KLHL29: variants seen among roughly 807,000 people sequenced by gnomAD.
KLHL29 encodes kelch like family member 29.
Under a neutral mutation model 80.4 loss-of-function variants are expected in KLHL29, and 21 were observed. That is an observed-to-expected ratio of 0.26 (90% confidence interval 0.19 to 0.38). KLHL29 has a LOEUF of 0.38. KLHL29 is among the 10% of genes least tolerant of loss of function. The pLI, the probability that KLHL29 is intolerant of heterozygous loss-of-function variation, is 1.00. For missense variants in KLHL29, 867 were observed against 1,223.9 expected (o/e 0.71, Z 4.35); for synonymous variants, 511 against 526.8 (o/e 0.97, Z 0.41).
intron 1 of KLHL29, among the ~76,000 whole-genome samples, chr2:23,387,314 A>G (rs938471137): frequency 1.3e-5 from 2 of 152,158 alleles, no homozygotes; most frequent in East Asian, 1.9e-4. Flanking sequence ...TCCTCTTGCA[A>G]TGACAGATCT....
At chr2:23,578,652 G>A (rs767093095) in intron 3 of KLHL29, among the ~76,000 whole-genome samples, 6 of 152,128 alleles carry the variant, frequency 3.9e-5, no homozygotes, top group Admixed American at 6.5e-5. Context: ...GGCACCTCCC[G>A]CTTGCCTGTT....
intron 2 of KLHL29, among the ~76,000 whole-genome samples, chr2:23,489,207 AG>A (rs1389576760): frequency 6.6e-6 from 1 of 152,132 alleles, no homozygotes; most frequent in Non-Finnish European, 1.5e-5. Flanking sequence ...TCCACTTGGA[AG>A]GTGCCCTCCT....
intron 5 of KLHL29, among the ~76,000 whole-genome samples, chr2:23,645,765 A>G (rs953245454): frequency 6.6e-6 from 1 of 151,746 alleles, no homozygotes; most frequent in Non-Finnish European, 1.5e-5. Context: ...CTGAGCTCAA[A>G]TTTCAGTTGG....
chr2:23,425,719 T>C (rs555618514), intron 1 of KLHL29, among the ~76,000 whole-genome samples: 1 of 152,304 alleles, frequency 6.6e-6, no homozygotes, highest in East Asian at 1.9e-4. Context: ...TAGATTAGAC[T>C]GGGTGTACTG....
At chr2:23,479,151 G>A (rs1664718617) in intron 2 of KLHL29, among the ~76,000 whole-genome samples, 1 of 151,422 alleles carries the variant, frequency 6.6e-6, no homozygotes, top group Admixed American at 6.6e-5. Flanking sequence ...GACTGTACCT[G>A]CTTTCCCTGG....
At chr2:23,428,349 G>A (rs1663062670) in intron 1 of KLHL29, among the ~76,000 whole-genome samples, 1 of 152,218 alleles carries the variant, frequency 6.6e-6, no homozygotes. Flanking sequence ...ATGTTGCGAG[G>A]TAGGTGTTTA....
At chr2:23,441,331 G>T (rs1028525610) in intron 1 of KLHL29, among the ~76,000 whole-genome samples, 392 of 59,638 alleles carry the variant, frequency 6.6e-3, no homozygotes, top group South Asian at 9.8e-3. Context: ...GACTGTGGCG[G>T]GGTGGGGGGA....
rs143991377 is a variant in KLHL29, at chr2:23,578,692, CA to C, written c.285+16213del. Among the ~76,000 whole-genome samples the C allele has an allele frequency of 3.8e-3, 582 of 152,310 alleles. 11 individuals are homozygous for C. Among genetic ancestry groups the C allele is most frequent in the East Asian group, 0.02 (102 of 5,184 alleles). On this transcript the variant is annotated intron_variant, in intron 3 of 13. Transcript: ENST00000486442. ...GCTCAGTAAATATGTGTTGAATTAT[CA>C]AGTTGAATTGTGGGTAGAAGGTGTA...
chr2:23,491,001 A>G (rs1182379167), intron 2 of KLHL29, among the ~76,000 whole-genome samples: 4 of 152,120 alleles, frequency 2.6e-5, no homozygotes, highest in African/African-American at 9.7e-5. Flanking sequence ...TGTGCAGAAC[A>G]TGCAGGTTTG....
chr2:23,507,227 C>CAACA (rs1665625515), intron 2 of KLHL29: 1 of 278,332 alleles, frequency 3.6e-6, no homozygotes, highest in East Asian at 1.2e-4. Flanking sequence ...CATCAACATC[C>CAACA]AGATCCTGTA....
intron 2 of KLHL29, among the ~76,000 whole-genome samples, chr2:23,497,170 C>T (rs947085298): frequency 2.6e-5 from 4 of 152,060 alleles, no homozygotes; most frequent in South Asian, 2.1e-4. Flanking sequence ...TGCCTTCAGT[C>T]GGTGGGTATT....
chr2:23,421,720 T>G (rs1043653317), intron 1 of KLHL29, among the ~76,000 whole-genome samples: 1 of 150,780 alleles, frequency 6.6e-6, no homozygotes, highest in Non-Finnish European at 1.5e-5. Flanking sequence ...TCTGTTAGTG[T>G]GTCTCTGTGT....
chr2:23,524,038 C>T (rs1468873120), intron 2 of KLHL29: 1 of 471,372 alleles, frequency 2.1e-6, no homozygotes, highest in Non-Finnish European at 4.4e-6. Context: ...TTTTTTTTAC[C>T]AGCATGCCTT....
intron 13 of KLHL29, among the ~76,000 whole-genome samples, chr2:23,704,724 G>A (rs1181969247): frequency 3.9e-5 from 6 of 152,048 alleles, no homozygotes; most frequent in Admixed American, 3.3e-4. Flanking sequence ...CCGAGATCGC[G>A]CCACGGCACT....
chr2:23,420,992 G>A (rs1662782529), intron 1 of KLHL29, among the ~76,000 whole-genome samples: 1 of 152,148 alleles, frequency 6.6e-6, no homozygotes, highest in Non-Finnish European at 1.5e-5. Flanking sequence ...GCCAGGCCAG[G>A]GGCTTTCATT....
At position 23,520,357 on chromosome 2, in the gene KLHL29, T is replaced by TG. The variant is rs1432969313; in HGVS notation, c.-45-41793dup. ...TGCCTGATCTGCACCCAGGGAGGGC[T>TG]GGAGGGAAAGGAGCCTGAAGGGGCT... On this transcript the variant is annotated intron_variant, in intron 2 of 13. Transcript: ENST00000486442. 2.0e-5 allele frequency among the ~76,000 whole-genome samples: 3 copies of TG among 152,312 alleles called. No homozygotes were observed. In the East Asian group the frequency reaches 5.8e-4, roughly 29 times the overall value.
At position 23,703,579 on chromosome 2, in the gene KLHL29, C is replaced by G. The variant is rs1014042989; in HGVS notation, c.2300-140C>G. The G allele has an allele frequency of 2.5e-5, 29 of 1,176,788 alleles. No individual in the cohort carries two copies. The East Asian group carries it at 6.2e-4, about 25-fold the overall frequency. 72.9% of individuals were successfully genotyped at this position (1,176,788 alleles called of 1,614,324 possible). On this transcript the variant is annotated intron_variant, in intron 12 of 13. Coordinates refer to ENST00000486442, the MANE Select transcript of KLHL29 (RefSeq NM_052920.2). Reference sequence around the variant, plus strand: ...AGTCAAGGCTCCAGGTTCCCCTAGGCCCCGGACCCATCCCCAGGCCAATCA... The same window carrying G: ...AGTCAAGGCTCCAGGTTCCCCTAGGGCCCGGACCCATCCCCAGGCCAATCA...
At chr2:23,436,281 TG>T (rs879599902) in intron 1 of KLHL29, among the ~76,000 whole-genome samples, 108 of 4,166 alleles carry the variant, frequency 0.026, no homozygotes, top group Admixed American at 0.23. Flanking sequence ...CAATCAGCTT[TG>T]TGTGTGTGTG....
At chr2:23,694,599 T>C (rs912412999) in intron 8 of KLHL29, among the ~76,000 whole-genome samples, 29 of 152,056 alleles carry the variant, frequency 1.9e-4, no homozygotes, top group Non-Finnish European at 2.9e-5. Context: ...CCCCAGCCTC[T>C]CTCCTCTCAC....
Sources: allele counts gnomAD v4.1 joint callset (sites outside exome capture counted in the v4.1 genomes callset), GRCh38; gene constraint gnomAD v4.1.1; transcripts MANE v1.5; gene names NCBI Gene and HGNC (gene_info 2026-07-23, HGNC 2026-07-21).